Variants in OGFRL1 observed in about 807,000 individuals in gnomAD.
The protein encoded by OGFRL1 is opioid growth factor receptor-like protein 1.
Under a neutral mutation model 32.4 loss-of-function variants are expected in OGFRL1, and 26 were observed. The ratio of observed to expected loss-of-function variants is 0.80; its 90% confidence interval spans 0.59 to 1.11. The LOEUF (loss-of-function observed/expected upper bound fraction) is 1.11. Ranked by LOEUF, OGFRL1 falls within the 50% of genes most tolerant of loss-of-function variation. The pLI is 0.00. For synonymous variants in OGFRL1, 211 were observed against 201.2 expected (o/e 1.05, Z -0.41); for missense variants, 521 against 546.4 (o/e 0.95, Z 0.46).
chr6:71,292,012 G>C (rs781669497), intron 1 of OGFRL1: 11 of 152,132 alleles, frequency 7.2e-5, no homozygotes, highest in Non-Finnish European at 1.3e-4. Flanking sequence ...CTTATTAACT[G>C]TCAATCAGGT....
intron 1 of OGFRL1, chr6:71,289,877 G>A (rs988564409): frequency 2.1e-6 from 2 of 949,324 alleles, no homozygotes; most frequent in Non-Finnish European, 2.5e-6. Context: ...TTAAAAAGGA[G>A]GAAATATGTA....
rs1368252815 is a variant in OGFRL1 at position 71,305,936 on chromosome 6, A to AT, written c.*3893dup. ...AGTCATCCATACTGAGTAATCACGC[A>AT]TTTTTTAAACTATAATTGAGGCTCT... On this transcript the variant is annotated 3_prime_UTR_variant, in exon 7 of 7. Coordinates refer to ENST00000370435, the MANE Select transcript of OGFRL1 (RefSeq NM_024576.5). 3.9e-5 allele frequency: 6 copies of AT among 152,262 alleles called. No homozygotes were observed. In the South Asian group the frequency reaches 1.2e-3, roughly 32 times the overall value. 9.4% of individuals were successfully genotyped at this position (152,262 alleles called of 1,614,324 possible).
chr6:71,296,320 T>C lies in OGFRL1; in HGVS notation c.404T>C (p.Val135Ala). ...KNKIPFKPDG[V>A]YIEEVLSKWK... ...TTTTTAAATATTTACTATTTAGGTG[T>C]TTACATTGAAGAAGTTCTAAGTAAA... The change falls in exon 4 of 7, where the codon GTT becomes GCT. Residue 135 changes from valine (V) to alanine (A), a missense_variant. Physicochemically the swap from Val to Ala is moderately conservative, Grantham distance 64. Coordinates refer to ENST00000370435, the MANE Select transcript of OGFRL1 (RefSeq NM_024576.5). 1 of 1,593,498 alleles carries C rather than the reference T, an allele frequency of 6.3e-7. No homozygotes were observed. Among genetic ancestry groups the C allele is most frequent in the Non-Finnish European group, 8.6e-7 (1 of 1,162,868 alleles).
chr6:71,298,545 A>G (rs777092283), intron 6 of OGFRL1, among the ~76,000 whole-genome samples: 9 of 152,154 alleles, frequency 5.9e-5, no homozygotes, highest in Non-Finnish European at 1.2e-4. Context: ...CCTCTGATTT[A>G]TAGGTGGAAA....
intron 6 of OGFRL1, among the ~76,000 whole-genome samples, chr6:71,298,990 T>G (rs1300099711): frequency 6.6e-6 from 1 of 152,058 alleles, no homozygotes; most frequent in Non-Finnish European, 1.5e-5. Context: ...TAACATTGAG[T>G]GAACAAGCGA....
chr6:71,301,796 T>A lies in OGFRL1; in HGVS notation c.1103T>A (p.Val368Glu). ...AGCAAAACAGCTGAAGACAAAAAAG[T>A]GGCACCAAAAGAGCCTGTGGAAGAG... ...LNSKTAEDKK[V>E]APKEPVEETD... The change falls in exon 7 of 7, where the codon GTG becomes GAG. Residue 368 changes from valine to glutamate, a missense_variant. Physicochemically the swap from Val to Glu is moderately radical, Grantham distance 121. Transcript: ENST00000370435. The A allele has an allele frequency of 1.2e-6, 2 of 1,613,438 alleles. No homozygotes were observed. Among genetic ancestry groups the A allele is most frequent in the Non-Finnish European group, 1.7e-6 (2 of 1,179,902 alleles).
At chr6:71,294,426 C>T (rs1417892407) in intron 3 of OGFRL1, among the ~76,000 whole-genome samples, 1 of 152,174 alleles carries the variant, frequency 6.6e-6, no homozygotes, top group Admixed American at 6.5e-5. Flanking sequence ...GCCAGTTCCA[C>T]AGCAGTGTGA....
chr6:71,305,311 G>T lies in OGFRL1; in HGVS notation c.*3262G>T, dbSNP rs1476467810. The stretch of plus-strand genomic sequence containing the variant: ...TTATGTGAAACTATTTTTAAATACT[G>T]TAAAGTGACATATAGTTATAAGATA... On this transcript the variant is annotated 3_prime_UTR_variant, in exon 7 of 7. Transcript: ENST00000370435. The T allele has an allele frequency of 6.6e-6, 1 of 151,936 alleles. No homozygotes were observed. Among genetic ancestry groups the T allele is most frequent in the Non-Finnish European group, 1.5e-5 (1 of 67,886 alleles). The allele number at this position is 151,936 out of a possible 1,614,324, so 9.4% of individuals were successfully genotyped here. A position where few individuals can be genotyped will look rare whatever the true frequency, so the allele number is the denominator to read the frequency against.
In OGFRL1 at chr6:71,296,390, T is replaced by C; in HGVS notation, c.474T>C (p.Ile158=). The C allele has an allele frequency of 6.2e-7, 1 of 1,611,052 alleles. No homozygotes were observed. The highest frequency in any genetic ancestry group is 2.2e-5 in the East Asian group (1 of 44,750). Residue 158 remains isoleucine, a synonymous_variant, in exon 4 of 7, where the codon ATT becomes ATC. Coordinates refer to ENST00000370435, the MANE Select transcript of OGFRL1 (RefSeq NM_024576.5). The part of the protein sequence containing the change: ...YEKLEHNHTY[I]QWLFPLREQG... ...AACTGGAGCACAACCACACTTACAT[T>C]CAATGGTCAGTTACATATTATCTAT...
At position 71,306,996 on chromosome 6, in the gene OGFRL1, A is replaced by C. The variant is rs1046919296; in HGVS notation, c.*4947A>C. 10 of 152,188 alleles carry C rather than the reference A, an allele frequency of 6.6e-5. No homozygotes were observed. The highest frequency in any genetic ancestry group is 1.2e-4 in the African/African-American group (5 of 41,454). The allele number at this position is 152,188 out of a possible 1,614,324, so 9.4% of individuals were successfully genotyped here. ...AAAGCACTGTTCTTGCATTTTTCCT[A>C]GACTACAGAGAGTGTTCTTTGTCAT... is the stretch of plus-strand genomic sequence containing the variant. On this transcript the variant is annotated 3_prime_UTR_variant, in exon 7 of 7. Transcript: ENST00000370435.
intron 3 of OGFRL1, chr6:71,295,544 G>T (rs1766178301): frequency 6.6e-6 from 1 of 152,122 alleles, no homozygotes; most frequent in African/African-American, 2.4e-5. Flanking sequence ...GAACCAGAAA[G>T]ACCTATGTTG....
In OGFRL1 at chr6:71,289,697, C is replaced by T. The variant is rs1244998603; in HGVS notation, c.234+527C>T. 3.0e-6 allele frequency: 3 copies of T among 985,016 alleles called. No homozygotes were observed. In the Admixed American group the frequency reaches 1.8e-4, roughly 61 times the overall value. 61.0% of individuals were successfully genotyped at this position (985,016 alleles called of 1,614,324 possible). ...GAAGTTCATACGTCACTGTTCTGCC[C>T]AACTCAGGCCTTTCAACCTAGGATT... is the stretch of plus-strand genomic sequence containing the variant. On this transcript the variant is annotated intron_variant, in intron 1 of 6. Transcript: ENST00000370435.
chr6:71,289,009 A>G lies in OGFRL1; in HGVS notation c.73A>G (p.Thr25Ala). ...GGAGGACTGCGACTCCACCTGGCAG[A>G]CCGACTCGGAGCCCGAGCCCGAAGA... Reference protein sequence around the residue: ...TVEDCDSTWQTDSEPEPEEPG... With the variant: ...TVEDCDSTWQADSEPEPEEPG... The change falls in exon 1 of 7, where the codon ACC becomes GCC. Residue 25 changes from threonine to alanine, a missense_variant. By Grantham distance (58) the Thr-to-Ala change is moderately conservative (BLOSUM62 0). Transcript: ENST00000370435. The G allele has an allele frequency of 1.5e-6, 2 of 1,373,696 alleles. No homozygotes were observed. The highest frequency in any genetic ancestry group is 1.9e-6 in the Non-Finnish European group (2 of 1,046,948). The allele number at this position is 1,373,696 out of a possible 1,614,324, so 85.1% of individuals were successfully genotyped here.
chr6:71,288,967 C>A lies in OGFRL1; in HGVS notation c.31C>A (p.Arg11Ser). MGNLLGGVSF[R>S]EPTTVEDCDS... ...CAACCTGCTCGGCGGGGTCAGCTTC[C>A]GCGAGCCCACCACCGTGGAGGACTG... Residue 11 changes from arginine to serine, a missense_variant, in exon 1 of 7, where the codon CGC becomes AGC. Arg to Ser is a moderately radical substitution (Grantham distance 110). Transcript: ENST00000370435. 1 of 1,389,706 alleles carries A rather than the reference C, an allele frequency of 7.2e-7. No homozygotes were observed. The highest frequency in any genetic ancestry group is 9.5e-7 in the Non-Finnish European group (1 of 1,056,510). The allele number at this position is 1,389,706 out of a possible 1,614,324, so 86.1% of individuals were successfully genotyped here.
In OGFRL1 at chr6:71,293,357, A is replaced by C; in HGVS notation, c.299A>C (p.Tyr100Ser). 6.2e-7 allele frequency: 1 copy of C among 1,613,866 alleles called. No homozygotes were observed. The highest frequency in any genetic ancestry group is 8.5e-7 in the Non-Finnish European group (1 of 1,179,826). ...AGTTTTTATGCTGCCAGGGATTTGT[A>C]CAAGTACCGACACCAGTACCCAGTA... is the stretch of plus-strand genomic sequence containing the variant. ...KRSFYAARDL[Y>S]KYRHQYPNFK... Residue 100 changes from tyrosine (Y) to serine (S), a missense_variant, in exon 2 of 7, where the codon TAC (tyrosine) becomes TCC (serine). By Grantham distance (144) the Tyr-to-Ser change is moderately radical. Transcript: ENST00000370435.
At position 71,288,928 on chromosome 6, in the gene OGFRL1, G is replaced by A. The variant is rs1299880166; in HGVS notation, c.-9G>A. 3.0e-6 allele frequency: 4 copies of A among 1,346,888 alleles called. No individual in the cohort carries two copies. Among genetic ancestry groups the A allele is most frequent in the East Asian group, 8.1e-5 (2 of 24,558 alleles). 83.4% of individuals were successfully genotyped at this position (1,346,888 alleles called of 1,614,324 possible). On this transcript the variant is annotated 5_prime_UTR_variant, in exon 1 of 7. Transcript: ENST00000370435. ...GCCCCGCAGCCCCGCGCCCGCCGCC[G>A]CCTCTTCAATGGGCAACCTGCTCGG...
At position 71,307,624 on chromosome 6, in the gene OGFRL1, C is replaced by T. The variant is rs996045669; in HGVS notation, c.*5575C>T. On this transcript the variant is annotated 3_prime_UTR_variant, in exon 7 of 7. Transcript: ENST00000370435. ...GTGGTCACTTACTGTGCTAAAATACCTTTTTCTCTAAAAATATTTAAGCTT... is the reference window on the plus strand; with the variant it reads ...GTGGTCACTTACTGTGCTAAAATACTTTTTTCTCTAAAAATATTTAAGCTT... 2 of 151,898 alleles carry T rather than the reference C, an allele frequency of 1.3e-5. No individual in the cohort carries two copies. Among genetic ancestry groups the T allele is most frequent in the African/African-American group, 4.8e-5 (2 of 41,354 alleles). The allele number at this position is 151,898 out of a possible 1,614,324, so 9.4% of individuals were successfully genotyped here. A position where few individuals can be genotyped will look rare whatever the true frequency, so the allele number is the denominator to read the frequency against.
Position 71,301,395 on chromosome 6 carries a change from C to G in OGFRL1, c.702C>G (p.His234Gln). ...ERFQHLNESQ[H>Q]NYLRITRILK... ...CAATCCTCTCTTCCAGGTCCCAGCA[C>G]AACTATTTAAGAATCACTCGTATTC... Residue 234 changes from histidine (H) to glutamine (Q), a missense_variant, in exon 7 of 7, where the codon CAC becomes CAG. Transcript: ENST00000370435. The G allele has an allele frequency of 1.3e-6, 2 of 1,575,790 alleles. No homozygotes were observed. The highest frequency in any genetic ancestry group is 1.2e-5 in the South Asian group (1 of 83,922).
At position 71,297,465 on chromosome 6, in the gene OGFRL1, A is replaced by G. The variant is rs73749857; in HGVS notation, c.692+648A>G. On this transcript the variant is annotated intron_variant, in intron 6 of 6. Coordinates refer to ENST00000370435, the MANE Select transcript of OGFRL1 (RefSeq NM_024576.5). Reference sequence around the variant, plus strand: ...TTTATAACTTTTGTTAATACTCATAACCAAAGTTTATTTTTCTTGATATTT... The same window carrying G: ...TTTATAACTTTTGTTAATACTCATAGCCAAAGTTTATTTTTCTTGATATTT... 7.3e-3 allele frequency among the ~76,000 whole-genome samples: 1,113 copies of G among 152,232 alleles called. 16 individuals are homozygous for G. Among genetic ancestry groups the G allele is most frequent in the African/African-American group, 0.024 (990 of 41,542 alleles).
Sources: gnomAD v4.1 joint callset for allele counts (sites outside exome capture counted in the v4.1 genomes callset) on GRCh38, gnomAD v4.1.1 for gene constraint, MANE v1.5 for transcripts, NCBI Gene and HGNC (gene_info 2026-07-23, HGNC 2026-07-21) for gene names.